Variants in BACE2 observed in about 807,000 individuals in gnomAD.
The protein encoded by BACE2 is beta-secretase 2.
BACE2 carries 17 observed loss-of-function variants against 46.2 expected under a neutral mutation model. The observed-to-expected ratio is 0.37, with a 90% CI of 0.25 to 0.55. The LOEUF is 0.55. Among genes scored for constraint, BACE2 ranks in the 20% least tolerant of loss-of-function variants. The pLI, the probability that BACE2 is intolerant of heterozygous loss-of-function variation, is 0.82. For synonymous variants in BACE2, 277 were observed against 295.9 expected (o/e 0.94, Z 0.66); for missense variants, 595 against 698.1 (o/e 0.85, Z 1.66).
At position 41,275,753 on chromosome 21, in the gene BACE2, C is replaced by A; in HGVS notation, c.*129C>A. On this transcript the variant is annotated 3_prime_UTR_variant, in exon 9 of 9. Transcript: ENST00000330333. ...CCGTCTTCAATCTCTGTTCTGCTCC[C>A]AGATGCCTTCTAGATTCACTGTCTT... The A allele has an allele frequency of 2.8e-6, 3 of 1,065,058 alleles. No individual in the cohort carries two copies. The highest frequency in any genetic ancestry group is 4.0e-6 in the Non-Finnish European group (3 of 754,412). 66.0% of individuals were successfully genotyped at this position (1,065,058 alleles called of 1,614,324 possible). A position where few individuals can be genotyped will look rare whatever the true frequency, so the allele number is the denominator to read the frequency against.
intron 1 of BACE2, among the ~76,000 whole-genome samples, chr21:41,210,730 T>G (rs149664275): frequency 0.025 from 3,852 of 152,292 alleles, 71 homozygotes; most frequent in Middle Eastern, 0.14. Flanking sequence ...TTGAGTGCCT[T>G]CAAGTCCTGA....
intron 1 of BACE2, among the ~76,000 whole-genome samples, chr21:41,205,408 C>T (rs1331005640): frequency 1.3e-5 from 2 of 152,146 alleles, no homozygotes; most frequent in Non-Finnish European, 1.5e-5. Context: ...TTACTCCTTG[C>T]AATTATTCTA....
chr21:41,193,106 A>T lies in BACE2; in HGVS notation c.312+24531A>T, dbSNP rs529952609. Among the ~76,000 whole-genome samples the T allele has an allele frequency of 2.0e-5, 3 of 152,348 alleles. No homozygotes were observed. Among genetic ancestry groups the T allele is most frequent in the Admixed American group, 2.0e-4 (3 of 15,306 alleles). On this transcript the variant is annotated intron_variant, in intron 1 of 8. Transcript: ENST00000330333. The surrounding 1 kb of genome is among the most constrained non-coding windows in gnomAD (Gnocchi z 4.2). Reference sequence around the variant, plus strand: ...CATAATGTCATCAAACTAATGGACCAGTGTGATATCTCGTGGAAACGAAAA... The same window carrying T: ...CATAATGTCATCAAACTAATGGACCTGTGTGATATCTCGTGGAAACGAAAA...
chr21:41,244,834 G>A (rs542795509), intron 5 of BACE2, among the ~76,000 whole-genome samples: 16 of 152,182 alleles, frequency 1.1e-4, no homozygotes, highest in African/African-American at 3.9e-4. Flanking sequence ...AGAATCGAAT[G>A]TCCGAATGTA....
intron 7 of BACE2, among the ~76,000 whole-genome samples, chr21:41,255,916 C>A (rs1987774474): frequency 1.3e-5 from 2 of 152,138 alleles, no homozygotes; most frequent in South Asian, 4.1e-4. Flanking sequence ...ATATTTTAAC[C>A]CCAAATATAT....
chr21:41,258,117 G>C (rs992513297), intron 8 of BACE2, among the ~76,000 whole-genome samples: 1 of 152,100 alleles, frequency 6.6e-6, no homozygotes, highest in Non-Finnish European at 1.5e-5. Flanking sequence ...GAGAACGGCA[G>C]CCTTTCAAAA....
At chr21:41,246,717 C>T (rs1291174765) in intron 6 of BACE2, among the ~76,000 whole-genome samples, 2 of 152,124 alleles carry the variant, frequency 1.3e-5, no homozygotes, top group Non-Finnish European at 2.9e-5. Context: ...TCTGGTGTGA[C>T]CCCAACTTTC....
At chr21:41,175,932 T>G (rs754524264) in intron 1 of BACE2, 3 of 152,138 alleles carry the variant, frequency 2.0e-5, no homozygotes, top group Non-Finnish European at 2.9e-5. Flanking sequence ...GAAAAGCCAC[T>G]GACAAGCAGA....
At chr21:41,177,436 G>A (rs920026883) in intron 1 of BACE2, 32 of 152,218 alleles carry the variant, frequency 2.1e-4, no homozygotes, top group African/African-American at 7.7e-4. Flanking sequence ...ATTTCAACAG[G>A]ACTCCTAGTC....
Position 41,278,718 on chromosome 21 carries a change from G to A in BACE2, c.*3094G>A, listed in dbSNP as rs1019466253. ...TCATTTCATTTAAGAGGTGAAGAGG[G>A]ATTTAATTATTTAATACGCCGGGTG... On this transcript the variant is annotated 3_prime_UTR_variant, in exon 9 of 9. Transcript: ENST00000330333. The A allele has an allele frequency of 4.6e-5, 7 of 152,136 alleles. No individual in the cohort carries two copies. The highest frequency in any genetic ancestry group is 1.7e-4 in the African/African-American group (7 of 41,408). 9.4% of individuals were successfully genotyped at this position (152,136 alleles called of 1,614,324 possible).
At chr21:41,190,919 A>G (rs940254070) in intron 1 of BACE2, among the ~76,000 whole-genome samples, 1 of 152,182 alleles carries the variant, frequency 6.6e-6, no homozygotes, top group Non-Finnish European at 1.5e-5. Context: ...CCAGGTGGCA[A>G]TCTGAACTTA....
intron 3 of BACE2, 116 bp from the exon 4 acceptor site, chr21:41,241,703 T>C (rs1467328044): frequency 3.2e-6 from 4 of 1,245,326 alleles, no homozygotes; most frequent in Non-Finnish European, 4.5e-6. Context: ...TGTTGAACCA[T>C]GAAAAAATTG....
chr21:41,211,927 G>A (rs966213167), intron 1 of BACE2, among the ~76,000 whole-genome samples: 5 of 152,212 alleles, frequency 3.3e-5, no homozygotes, highest in South Asian at 2.1e-4. Context: ...AGTGGGAGAC[G>A]TCCACAGTCT....
chr21:41,224,799 T>C (rs981959826), intron 1 of BACE2, among the ~76,000 whole-genome samples: 1 of 152,174 alleles, frequency 6.6e-6, no homozygotes, highest in Non-Finnish European at 1.5e-5. Flanking sequence ...ATGGTTCACA[T>C]TGAAAAGACC....
At chr21:41,174,278 G>A (rs1017657818) in intron 1 of BACE2, among the ~76,000 whole-genome samples, 6 of 151,482 alleles carry the variant, frequency 4.0e-5, no homozygotes, top group African/African-American at 1.5e-4. Context: ...GAGTAGCTGC[G>A]ACTACAGGTG....
At chr21:41,226,559 C>T (rs540823095) in intron 2 of BACE2, among the ~76,000 whole-genome samples, 1 of 152,262 alleles carries the variant, frequency 6.6e-6, no homozygotes, top group African/African-American at 2.4e-5. Context: ...GGAGTCTCCT[C>T]ATGGCCTTCA....
intron 6 of BACE2, among the ~76,000 whole-genome samples, chr21:41,249,545 C>A (rs1308309130): frequency 2.6e-5 from 4 of 152,200 alleles, no homozygotes; most frequent in African/African-American, 9.7e-5. Context: ...ATCTCCCATT[C>A]TTGTCTGTCT....
At chr21:41,203,093 A>G (rs1986010615) in intron 1 of BACE2, among the ~76,000 whole-genome samples, 1 of 152,200 alleles carries the variant, frequency 6.6e-6, no homozygotes, top group East Asian at 1.9e-4. Flanking sequence ...TAGGTGCAAC[A>G]GTCACCAAAA....
chr21:41,276,142 C>A lies in BACE2; in HGVS notation c.*518C>A, dbSNP rs531195135. ...TCAGCCTGGGGCCTGGGGATGTAAC[C>A]AAGCTGTACCCTTGAGACCTGGAAC... On this transcript the variant is annotated 3_prime_UTR_variant, in exon 9 of 9. Coordinates refer to ENST00000330333, the MANE Select transcript of BACE2 (RefSeq NM_012105.5). 1.1e-3 allele frequency: 170 copies of A among 157,462 alleles called. No homozygotes were observed. The Middle Eastern group carries it at 0.013, about 12-fold the overall frequency. The allele number at this position is 157,462 out of a possible 1,614,324, so 9.8% of individuals were successfully genotyped here.
Sources: gnomAD v4.1 joint callset for allele counts (sites outside exome capture counted in the v4.1 genomes callset) on GRCh38, gnomAD v4.1.1 for gene constraint, Gnocchi (gnomAD v3.1) non-coding constraint, MANE v1.5 for transcripts, NCBI Gene and HGNC (gene_info 2026-07-23, HGNC 2026-07-21) for gene names.